Variants in MYLK observed in about 807,000 individuals in gnomAD.
MYLK encodes myosin light chain kinase, smooth muscle.
Under a neutral mutation model 203.4 loss-of-function variants are expected in MYLK, and 106 were observed. The observed-to-expected ratio is 0.52, with a 90% CI of 0.45 to 0.61. MYLK has a LOEUF of 0.61. MYLK is among the 20% of genes least tolerant of loss of function. MYLK has a pLI of 0.00. For synonymous variants in MYLK, 867 were observed against 959.5 expected (o/e 0.90, Z 1.78); for missense variants, 2,072 against 2,442.3 (o/e 0.85, Z 3.20).
chr3:123,752,182 T>G, intron 5 of MYLK, 149 bp downstream of exon 5: 1 of 819,064 alleles, frequency 1.2e-6, no homozygotes, highest in South Asian at 1.4e-5. Context: ...ATCTCTCCCA[T>G]TAGATTGGAA....
chr3:123,734,245 GTA>G, intron 9 of MYLK, 23 bp from the exon 10 acceptor site: 7 of 489,672 alleles, frequency 1.4e-5, no homozygotes, highest in East Asian at 4.2e-5. Flanking sequence ...GAGGGTGGGG[GTA>G]GGGTGGGTGA....
chr3:123,808,509 T>A (rs2065447182), intron 3 of MYLK, among the ~76,000 whole-genome samples: 2 of 152,200 alleles, frequency 1.3e-5, no homozygotes, highest in South Asian at 4.1e-4. Flanking sequence ...CAACTGTAAG[T>A]AGATTTTACA....
intron 20 of MYLK, among the ~76,000 whole-genome samples, chr3:123,679,305 C>CAAAA (rs58401553): frequency 3.9e-5 from 3 of 76,884 alleles, no homozygotes; most frequent in East Asian, 3.1e-4. Context: ...GACTCTGTCT[C>CAAAA]AAAAAAAAAA....
rs1202188024 is a variant in MYLK at position 123,722,325 on chromosome 3, G to A, written c.1652-45C>T. The A allele has an allele frequency of 9.1e-6, 14 of 1,543,088 alleles. No homozygotes were observed. In the Admixed American group the frequency reaches 1.8e-4, roughly 19 times the overall value. ...AGGCTCAGGCCAGGCAGCACTGGCA[G>A]TAGGGACGGGAGCCCTGTCCTCAGC... On this transcript the variant is annotated intron_variant, in intron 12 of 33. Transcript: ENST00000360304.
intron 2 of MYLK, among the ~76,000 whole-genome samples, chr3:123,832,221 C>T (rs1385328921): frequency 6.6e-6 from 1 of 152,196 alleles, no homozygotes; most frequent in Non-Finnish European, 1.5e-5. Flanking sequence ...ATGCTCTGTT[C>T]CCCCAGCACC....
chr3:123,627,848 G>A (rs1009550163), intron 30 of MYLK, among the ~76,000 whole-genome samples: 1 of 152,182 alleles, frequency 6.6e-6, no homozygotes, highest in Non-Finnish European at 1.5e-5. Context: ...AATAAGATCA[G>A]TTCTTTGGTG....
chr3:123,649,405 A>C (rs2059133262), intron 24 of MYLK, among the ~76,000 whole-genome samples: 1 of 151,766 alleles, frequency 6.6e-6, no homozygotes, highest in African/African-American at 2.4e-5. Context: ...TCCTCCCTCC[A>C]CTCAGCTCCA....
chr3:123,749,705 G>C (rs1397855448), intron 5 of MYLK, among the ~76,000 whole-genome samples: 1 of 152,198 alleles, frequency 6.6e-6, no homozygotes, highest in Non-Finnish European at 1.5e-5. Flanking sequence ...CCTACTAGCT[G>C]TGCTTATCCT....
At chr3:123,826,925 T>G (rs1457843037) in intron 3 of MYLK, among the ~76,000 whole-genome samples, 4 of 152,114 alleles carry the variant, frequency 2.6e-5, no homozygotes, top group African/African-American at 9.7e-5. Flanking sequence ...TAAGTCTTTC[T>G]CTACAAAGCC....
chr3:123,874,415 C>T (rs1262115411), intron 2 of MYLK, among the ~76,000 whole-genome samples: 2 of 152,092 alleles, frequency 1.3e-5, no homozygotes, highest in African/African-American at 4.8e-5. Flanking sequence ...CATTGTGGTG[C>T]TAGCACTATT....
At position 123,790,580 on chromosome 3, in the gene MYLK, G is replaced by A. The variant is rs555263974; in HGVS notation, c.165+3097C>T. 7.9e-5 allele frequency among the ~76,000 whole-genome samples: 12 copies of A among 152,292 alleles called. No homozygotes were observed. In the East Asian group the frequency reaches 1.9e-3, roughly 25 times the overall value. ...CACCCAAGTCACTAGATAGAAAGAG[G>A]AGCTTTATTGAAGGAAGTGGTTCAT... On this transcript the variant is annotated intron_variant, in intron 4 of 33. Transcript: ENST00000360304.
intron 29 of MYLK, among the ~76,000 whole-genome samples, chr3:123,633,916 C>T (rs923668828): frequency 8.5e-5 from 13 of 152,066 alleles, no homozygotes; most frequent in Admixed American, 6.6e-4. Context: ...CTCCTGATCT[C>T]AAGTGATCCT....
At chr3:123,737,667 G>T (rs1016831244) in intron 7 of MYLK, 124 bp from the exon 8 acceptor site, 4 of 1,297,424 alleles carry the variant, frequency 3.1e-6, no homozygotes, top group East Asian at 2.3e-5. Flanking sequence ...CCTCTGCTGT[G>T]GGCCCTGTCA....
chr3:123,677,913 A>ATATATATATATATATC (rs2060127053), intron 20 of MYLK, among the ~76,000 whole-genome samples: 1 of 104,762 alleles, frequency 9.5e-6, no homozygotes, highest in Non-Finnish European at 2.0e-5. Context: ...ATATATATAT[A>ATATATATATATATATC]TATATACACA....
chr3:123,745,899 C>T (rs960016632), intron 5 of MYLK, among the ~76,000 whole-genome samples: 5 of 151,590 alleles, frequency 3.3e-5, no homozygotes, highest in African/African-American at 1.2e-4. Flanking sequence ...ACTCTGTCGC[C>T]CAGGGTGGAG....
At chr3:123,842,962 C>T (rs1039821503) in intron 2 of MYLK, among the ~76,000 whole-genome samples, 5 of 152,198 alleles carry the variant, frequency 3.3e-5, no homozygotes, top group African/African-American at 4.8e-5. Context: ...GACACCATGT[C>T]GGATCTGACA....
chr3:123,781,348 C>T (rs1485992494), intron 4 of MYLK, among the ~76,000 whole-genome samples: 1 of 152,210 alleles, frequency 6.6e-6, no homozygotes, highest in Admixed American at 6.5e-5. Flanking sequence ...AGTGGCTGGA[C>T]AAATGGAATC....
chr3:123,840,439 A>T (rs1467104192), intron 2 of MYLK, among the ~76,000 whole-genome samples: 1 of 151,166 alleles, frequency 6.6e-6, no homozygotes, highest in Non-Finnish European at 1.5e-5. Context: ...ATATATATAA[A>T]CAAATCTATG....
chr3:123,785,898 G>A (rs76477760), intron 4 of MYLK, among the ~76,000 whole-genome samples: 2 of 152,220 alleles, frequency 1.3e-5, no homozygotes, highest in Non-Finnish European at 1.5e-5. Flanking sequence ...CATGTGACTA[G>A]TGGGTAGGTA....
Sources: gnomAD v4.1 joint callset for allele counts (sites outside exome capture counted in the v4.1 genomes callset) on GRCh38, gnomAD v4.1.1 for gene constraint, MANE v1.5 for transcripts, NCBI Gene and HGNC (gene_info 2026-07-23, HGNC 2026-07-21) for gene names.